Variants in SV2C observed in about 807,000 individuals in gnomAD.
The protein encoded by SV2C is synaptic vesicle glycoprotein 2C, also known as solute carrier family 22 member B3.
SV2C carries 49 observed loss-of-function variants against 79.7 expected under a neutral mutation model. The ratio of observed to expected loss-of-function variants is 0.61; its 90% CI spans 0.49 to 0.78. The LOEUF (loss-of-function observed/expected upper bound fraction) is 0.78, where lower values mean the gene tolerates loss of function less well. Ranked by LOEUF, SV2C falls within the 30% of genes least tolerant of loss-of-function variation. The pLI, the probability that SV2C is intolerant of heterozygous loss-of-function variation, is 0.00. For missense variants in SV2C, 833 were observed against 912.9 expected, an observed-to-expected ratio of 0.91 and a Z score of 1.13; for synonymous variants, 334 against 333.2, an observed-to-expected ratio of 1.00 and a Z score of -0.03.
the SV2C span, among the ~76,000 whole-genome samples, chr5:75,867,914 A>G: frequency 6.6e-6 from 1 of 152,244 alleles, no homozygotes; most frequent in Non-Finnish European, 1.5e-5. Context: ...CTAAGTACTG[A>G]TGATGAAGGC....
chr5:76,118,676 T>G (rs1343771008), intron 1 of SV2C, among the ~76,000 whole-genome samples: 1 of 151,798 alleles, frequency 6.6e-6, no homozygotes, highest in African/African-American at 2.4e-5. Flanking sequence ...CAGTATGATA[T>G]TATATATTAA....
chr5:75,922,929 A>T, the SV2C span, among the ~76,000 whole-genome samples: 5 of 152,204 alleles, frequency 3.3e-5, no homozygotes, highest in Non-Finnish European at 4.4e-5. Context: ...ACCACAACAG[A>T]ACATATCAAC....
the SV2C span, among the ~76,000 whole-genome samples, chr5:75,883,964 A>G: frequency 6.6e-6 from 1 of 152,134 alleles, no homozygotes; most frequent in Non-Finnish European, 1.5e-5. Flanking sequence ...TGGAACTTTC[A>G]CAATGGTATT....
chr5:76,210,283 G>A (rs79322830), intron 4 of SV2C, among the ~76,000 whole-genome samples: 4,668 of 152,164 alleles, frequency 0.031, 365 homozygotes, highest in East Asian at 0.25. Flanking sequence ...AGTCCCACAA[G>A]ACTGCCCCCC....
chr5:76,028,969 G>A, the SV2C span, among the ~76,000 whole-genome samples: 1 of 152,210 alleles, frequency 6.6e-6, no homozygotes, highest in African/African-American at 2.4e-5. Flanking sequence ...TTTTATTCAT[G>A]TCTATAACCC....
At chr5:76,245,833 C>A (rs1745926479) in intron 4 of SV2C, among the ~76,000 whole-genome samples, 1 of 151,724 alleles carries the variant, frequency 6.6e-6, no homozygotes, top group African/African-American at 2.4e-5. Context: ...TCAAAGAAGA[C>A]AATTCAGTAA....
chr5:76,169,979 AT>A (rs1325347710), intron 2 of SV2C, among the ~76,000 whole-genome samples: 3 of 143,066 alleles, frequency 2.1e-5, no homozygotes, highest in African/African-American at 2.6e-5. Context: ...TTGGTAAAAA[AT>A]AATAAATAAA....
chr5:76,197,760 C>T (rs570854191), intron 3 of SV2C, among the ~76,000 whole-genome samples: 157 of 38,038 alleles, frequency 4.1e-3, no homozygotes, highest in African/African-American at 0.02. Context: ...ATTAAGGCAA[C>T]GGCTCACACA....
At chr5:76,282,704 A>G (rs1419282033) in intron 4 of SV2C, among the ~76,000 whole-genome samples, 6 of 152,138 alleles carry the variant, frequency 3.9e-5, no homozygotes, top group Non-Finnish European at 7.4e-5. Flanking sequence ...TTCCTCCACA[A>G]TTGATTAGAA....
chr5:75,895,127 A>G, the SV2C span, among the ~76,000 whole-genome samples: 2 of 152,168 alleles, frequency 1.3e-5, no homozygotes, highest in Non-Finnish European at 2.9e-5. Flanking sequence ...CAGAAAAGTC[A>G]CTGAATAAAC....
chr5:76,285,957 G>T, intron 6 of SV2C, 87 bp downstream of exon 6: 1 of 1,264,046 alleles, frequency 7.9e-7, no homozygotes, highest in Non-Finnish European at 1.1e-6. Flanking sequence ...TTTAGACTTT[G>T]CAAGTCATAC....
At chr5:76,091,521 T>A (rs1307196440) in intron 1 of SV2C, among the ~76,000 whole-genome samples, 1 of 152,166 alleles carries the variant, frequency 6.6e-6, no homozygotes, top group East Asian at 1.9e-4. Context: ...GCTGTTGATG[T>A]CCCTGGAGAG....
chr5:75,910,594 C>T, the SV2C span: 1 of 731,566 alleles, frequency 1.4e-6, no homozygotes, highest in Non-Finnish European at 2.5e-6. Context: ...AGAGAATTGC[C>T]AAGTGGGGTT....
the SV2C span, among the ~76,000 whole-genome samples, chr5:76,036,267 G>C: frequency 5.9e-5 from 9 of 151,944 alleles, no homozygotes; most frequent in East Asian, 1.7e-3. Flanking sequence ...ATTATTATGT[G>C]TGAATTTGAT....
chr5:76,300,299 G>A (rs1445191861), intron 10 of SV2C, among the ~76,000 whole-genome samples: 1 of 151,484 alleles, frequency 6.6e-6, no homozygotes, highest in South Asian at 2.1e-4. Context: ...CAGGCATGAG[G>A]CACCACACCC....
intron 1 of SV2C, among the ~76,000 whole-genome samples, chr5:76,114,102 C>A (rs1419631324): frequency 1.3e-5 from 2 of 152,188 alleles, no homozygotes; most frequent in Admixed American, 6.5e-5. Context: ...TCTGTGGGGA[C>A]TTGTGCACCA....
chr5:75,927,451 C>T, the SV2C span, among the ~76,000 whole-genome samples: 5 of 151,486 alleles, frequency 3.3e-5, no homozygotes, highest in Admixed American at 3.3e-4. Context: ...AATGGTCAAA[C>T]CCATACAAGC....
chr5:76,034,174 T>C, the SV2C span, among the ~76,000 whole-genome samples: 1 of 151,576 alleles, frequency 6.6e-6, no homozygotes, highest in Non-Finnish European at 1.5e-5. Flanking sequence ...TTTCTAGATA[T>C]ACAATCATGT....
At chr5:76,245,970 G>A (rs1745936618) in intron 4 of SV2C, among the ~76,000 whole-genome samples, 2 of 150,490 alleles carry the variant, frequency 1.3e-5, no homozygotes, top group South Asian at 2.1e-4. Flanking sequence ...GTGTTAAAGG[G>A]TATAAACAGG....
Sources: allele counts gnomAD v4.1 joint callset (sites outside exome capture counted in the v4.1 genomes callset), GRCh38; gene constraint gnomAD v4.1.1; transcripts MANE v1.5; gene names NCBI Gene and HGNC (gene_info 2026-07-23, HGNC 2026-07-21).